Variants in ATRNL1 observed in about 807,000 individuals in gnomAD.
ATRNL1 encodes attractin like 1, also known as attractin-like protein 1.
A neutral mutation model predicts 182.7 loss-of-function variants in ATRNL1; 95 were observed. The ratio of observed to expected loss-of-function variants is 0.52; its 90% CI spans 0.44 to 0.62. The LOEUF (loss-of-function observed/expected upper bound fraction) is 0.62, where lower values mean the gene tolerates loss of function less well. ATRNL1 is among the 20% of genes least tolerant of loss of function. The pLI is 0.00. For missense variants in ATRNL1, 1,471 were observed against 1,679.5 expected (o/e 0.88, Z 2.17); for synonymous variants, 576 against 568.3 (o/e 1.01, Z -0.19).
chr10:115,378,066 C>T (rs555536861), intron 19 of ATRNL1, among the ~76,000 whole-genome samples: 9 of 152,164 alleles, frequency 5.9e-5, no homozygotes, highest in Admixed American at 2.0e-4. Flanking sequence ...GGTCTGTATC[C>T]GAGATGGACT....
intron 24 of ATRNL1, among the ~76,000 whole-genome samples, chr10:115,489,485 T>C (rs1037911288): frequency 1.3e-5 from 2 of 152,344 alleles, no homozygotes; most frequent in African/African-American, 2.4e-5. Context: ...TGTAATGGCC[T>C]TCTTTGTCTC....
chr10:115,811,446 G>A (rs1589537904), intron 27 of ATRNL1, among the ~76,000 whole-genome samples: 1 of 151,942 alleles, frequency 6.6e-6, no homozygotes, highest in Non-Finnish European at 1.5e-5. Flanking sequence ...TTCTGCTCTT[G>A]TATGGAGTTC....
intron 27 of ATRNL1, among the ~76,000 whole-genome samples, chr10:115,778,575 A>T (rs782581534): frequency 7.2e-5 from 11 of 152,234 alleles, no homozygotes; most frequent in Non-Finnish European, 1.2e-4. Flanking sequence ...TATGCATGAC[A>T]TCGAATATGT....
intron 26 of ATRNL1, among the ~76,000 whole-genome samples, chr10:115,582,077 T>C (rs377194137): frequency 6.6e-6 from 1 of 152,008 alleles, no homozygotes; most frequent in Non-Finnish European, 1.5e-5. Flanking sequence ...CATGAACTCA[T>C]CATTTTTTAT....
At chr10:115,113,785 C>T (rs1429721880) in intron 1 of ATRNL1, among the ~76,000 whole-genome samples, 1 of 152,230 alleles carries the variant, frequency 6.6e-6, no homozygotes, top group Admixed American at 6.5e-5. Flanking sequence ...TGCTAATACA[C>T]TAATCTTAAA....
At chr10:115,140,978 A>G (rs1278563425) in intron 5 of ATRNL1, among the ~76,000 whole-genome samples, 3 of 152,122 alleles carry the variant, frequency 2.0e-5, no homozygotes, top group Non-Finnish European at 4.4e-5. Context: ...TTCTAAGTCC[A>G]GGTCAGATCC....
chr10:115,325,941 G>A (rs1244622238), intron 18 of ATRNL1, among the ~76,000 whole-genome samples: 2 of 151,384 alleles, frequency 1.3e-5, no homozygotes, highest in Non-Finnish European at 1.5e-5. Flanking sequence ...ATTTCATGAA[G>A]TTGTTACAGT....
intron 27 of ATRNL1, among the ~76,000 whole-genome samples, chr10:115,835,928 ACTT>A (rs1950659740): frequency 6.6e-6 from 1 of 152,176 alleles, no homozygotes; most frequent in Non-Finnish European, 1.5e-5. Context: ...CCACAGGTGA[ACTT>A]CTCCCTCTGC....
intron 10 of ATRNL1, among the ~76,000 whole-genome samples, chr10:115,257,120 G>T (rs1851179228): frequency 6.6e-6 from 1 of 152,180 alleles, no homozygotes; most frequent in Non-Finnish European, 1.5e-5. Context: ...GATTTGGGGT[G>T]GAGAGTTCTG....
intron 26 of ATRNL1, among the ~76,000 whole-genome samples, chr10:115,664,143 A>G (rs12245412): frequency 0.012 from 1,771 of 152,206 alleles, 37 homozygotes; most frequent in African/African-American, 0.04. Flanking sequence ...TCCGCTAAAG[A>G]GATGTTCCCC....
intron 28 of ATRNL1, among the ~76,000 whole-genome samples, chr10:115,921,873 A>C (rs1423462803): frequency 6.6e-6 from 1 of 152,230 alleles, no homozygotes; most frequent in Non-Finnish European, 1.5e-5. Context: ...GAAAATAAAA[A>C]CAGATTAACT....
chr10:115,645,350 G>C (rs1284810944), intron 26 of ATRNL1, among the ~76,000 whole-genome samples: 1 of 149,610 alleles, frequency 6.7e-6, no homozygotes, highest in Non-Finnish European at 1.5e-5. Context: ...AAAAAGTAAT[G>C]CAGTGAAAAT....
At chr10:115,942,525 G>A (rs190101019) in intron 28 of ATRNL1, among the ~76,000 whole-genome samples, 4 of 152,280 alleles carry the variant, frequency 2.6e-5, no homozygotes, top group African/African-American at 9.6e-5. Context: ...CTCTTACAGT[G>A]CTCACATCCC....
intron 26 of ATRNL1, among the ~76,000 whole-genome samples, chr10:115,550,155 C>A (rs189973089): frequency 6.6e-6 from 1 of 151,598 alleles, no homozygotes; most frequent in Non-Finnish European, 1.5e-5. Context: ...TCGAAAGGAA[C>A]GAAGAAACAA....
At chr10:115,172,784 C>T (rs539261766) in intron 8 of ATRNL1, among the ~76,000 whole-genome samples, 1 of 151,602 alleles carries the variant, frequency 6.6e-6, no homozygotes, top group African/African-American at 2.4e-5. Flanking sequence ...ACTTCTAGCC[C>T]TACCCATACT....
rs75882332 is a variant in ATRNL1, at chr10:115,729,182, A to C, written c.3903+1827A>C. On this transcript the variant is annotated intron_variant, in intron 27 of 28. Coordinates refer to ENST00000355044, the MANE Select transcript of ATRNL1 (RefSeq NM_207303.4). ...AGTGTTCAATAATGTATTGTTAGGT[A>C]CCCATGTGTTCATAATCATCATATC... 3.0e-3 allele frequency among the ~76,000 whole-genome samples: 452 copies of C among 152,180 alleles called. 2 individuals are homozygous for C. The highest frequency in any genetic ancestry group is 0.01 in the African/African-American group (425 of 41,554).
At chr10:115,462,061 A>T (rs373927217) in intron 22 of ATRNL1, 26 bp downstream of exon 22, 26 of 1,525,120 alleles carry the variant, frequency 1.7e-5, no homozygotes, top group Non-Finnish European at 2.3e-5. Flanking sequence ...TATCTTTTAA[A>T]GTATAATTAT....
At chr10:115,470,253 G>A (rs1036313852) in intron 24 of ATRNL1, among the ~76,000 whole-genome samples, 2 of 150,208 alleles carry the variant, frequency 1.3e-5, no homozygotes, top group East Asian at 1.9e-4. Flanking sequence ...TTTTAAGGTT[G>A]ATGTAACACT....
At chr10:115,723,074 T>G (rs1947480657) in intron 26 of ATRNL1, among the ~76,000 whole-genome samples, 1 of 152,188 alleles carries the variant, frequency 6.6e-6, no homozygotes, top group African/African-American at 2.4e-5. Context: ...CTAAGTATTG[T>G]GGGGAATGAA....
Sources: allele counts gnomAD v4.1 joint callset (sites outside exome capture counted in the v4.1 genomes callset), GRCh38; gene constraint gnomAD v4.1.1; transcripts MANE v1.5; gene names NCBI Gene and HGNC (gene_info 2026-07-23, HGNC 2026-07-21).